Variants in MED27 observed in about 807,000 individuals in gnomAD.
MED27 encodes mediator of RNA polymerase II transcription subunit 27.
In MED27, 30 loss-of-function variants were observed where a neutral mutation model predicts 38.2. The ratio of observed to expected loss-of-function variants is 0.79; its 90% CI spans 0.59 to 1.07. MED27 has a LOEUF of 1.07. Ranked by LOEUF, MED27 falls within the 50% of genes least tolerant of loss-of-function variation. MED27 has a pLI of 0.00. For synonymous variants in MED27, 122 were observed against 153.5 expected (o/e 0.79, Z 1.52); for missense variants, 289 against 397.5 (o/e 0.73, Z 2.32).
Position 131,982,636 on chromosome 9 carries a change from G to A in MED27, c.479+31701C>T, listed in dbSNP as rs1667911897. Among the ~76,000 whole-genome samples, 1 of 152,182 alleles carries A rather than the reference G, an allele frequency of 6.6e-6. No homozygotes were observed. The highest frequency in any genetic ancestry group is 2.4e-5 in the African/African-American group (1 of 41,442). The stretch of plus-strand genomic sequence containing the variant: ...CAGCACACAAGTAACTTGGTCCACA[G>A]CTACTGATGGGGAGGTGGATTTGAA... On this transcript the variant is annotated intron_variant, in intron 3 of 7. Transcript: ENST00000292035. The surrounding 1 kb of genome is among the most constrained non-coding windows in gnomAD (Gnocchi z 4.3).
intron 2 of MED27, among the ~76,000 whole-genome samples, chr9:132,043,410 G>C (rs1465644320): frequency 6.6e-6 from 1 of 151,756 alleles, no homozygotes; most frequent in Admixed American, 6.6e-5. Context: ...TAGAAGGAGA[G>C]AGGGAGAATG....
chr9:131,895,968 G>T (rs56319825), intron 4 of MED27, among the ~76,000 whole-genome samples: 7 of 150,996 alleles, frequency 4.6e-5, no homozygotes, highest in Non-Finnish European at 8.8e-5. Flanking sequence ...GTGTGATCTC[G>T]GCTCACTGCA....
At chr9:131,869,730 A>C (rs1045124918) in intron 6 of MED27, among the ~76,000 whole-genome samples, 6 of 152,094 alleles carry the variant, frequency 3.9e-5, no homozygotes, top group African/African-American at 1.4e-4. Flanking sequence ...CCTCACAAAG[A>C]GGGGCAGAGG....
At chr9:132,029,967 GA>G (rs1832919065) in intron 2 of MED27, among the ~76,000 whole-genome samples, 1 of 152,198 alleles carries the variant, frequency 6.6e-6, no homozygotes, top group South Asian at 2.1e-4. Flanking sequence ...GCAGGAGGTA[GA>G]AAAGGGTGGA....
intron 6 of MED27, among the ~76,000 whole-genome samples, chr9:131,871,935 A>T (rs1429516632): frequency 6.6e-6 from 1 of 152,170 alleles, no homozygotes; most frequent in Non-Finnish European, 1.5e-5. Flanking sequence ...AGGCATTCTA[A>T]AACAGGGGCC....
chr9:132,054,677 T>C (rs565298137), intron 2 of MED27, among the ~76,000 whole-genome samples: 2 of 152,196 alleles, frequency 1.3e-5, no homozygotes, highest in Non-Finnish European at 2.9e-5. Flanking sequence ...CCCAAAGTGC[T>C]AAGATTACAG....
chr9:131,920,278 G>A (rs142914473), intron 4 of MED27, among the ~76,000 whole-genome samples: 10 of 152,266 alleles, frequency 6.6e-5, no homozygotes, highest in African/African-American at 2.4e-4. Flanking sequence ...TTATCAATAG[G>A]TATATGTCTG....
chr9:132,034,478 C>T (rs1480707226), intron 2 of MED27, among the ~76,000 whole-genome samples: 3 of 152,194 alleles, frequency 2.0e-5, no homozygotes, highest in African/African-American at 7.2e-5. Flanking sequence ...GCGCTCTGTC[C>T]AAGGTCAAAG....
intron 3 of MED27, among the ~76,000 whole-genome samples, chr9:131,978,384 C>T (rs1046134812): frequency 6.6e-6 from 1 of 152,144 alleles, no homozygotes; most frequent in Admixed American, 6.5e-5. Context: ...AATTATGACA[C>T]CTATGAAACA....
chr9:132,044,923 T>C (rs1312243626), intron 2 of MED27, among the ~76,000 whole-genome samples: 8 of 152,166 alleles, frequency 5.3e-5, no homozygotes, highest in Non-Finnish European at 1.2e-4. Flanking sequence ...CCAAAAGTAA[T>C]TTTAGATCAA....
intron 2 of MED27, among the ~76,000 whole-genome samples, chr9:132,058,757 A>G (rs184176693): frequency 8.2e-4 from 125 of 152,268 alleles, no homozygotes; most frequent in Non-Finnish European, 1.5e-3. Context: ...CATCTCTACA[A>G]CTTCAGTGAA....
In MED27 at chr9:131,884,115, A is replaced by G; in HGVS notation, c.682-16T>C. ...ATATATCAAGCTGAGGGGAAAGGAG[A>G]GAAGGATCATCAGCATCGGTCTTAG... On this transcript the variant is annotated splice_polypyrimidine_tract_variant and intron_variant, in intron 5 of 7. Coordinates refer to ENST00000292035, the MANE Select transcript of MED27 (RefSeq NM_004269.4). 1 of 1,599,476 alleles carries G rather than the reference A, an allele frequency of 6.3e-7. No individual in the cohort carries two copies. Among genetic ancestry groups the G allele is most frequent in the Non-Finnish European group, 8.5e-7 (1 of 1,172,834 alleles).
rs562562568 is a variant in MED27, at chr9:131,983,906, C to T, written c.479+30431G>A. Among the ~76,000 whole-genome samples, 12 of 152,282 alleles carry T rather than the reference C, an allele frequency of 7.9e-5. 1 individual carries two copies. The South Asian group carries it at 2.3e-3, about 29-fold the overall frequency. On this transcript the variant is annotated intron_variant, in intron 3 of 7. Coordinates refer to ENST00000292035, the MANE Select transcript of MED27 (RefSeq NM_004269.4). ...ACCAGCCATGATAGTAGCTTGGCTC[C>T]AGGTCACATATCAGGTGAAATTCCT...
At chr9:131,940,705 T>C (rs1381749749) in intron 3 of MED27, among the ~76,000 whole-genome samples, 1 of 152,234 alleles carries the variant, frequency 6.6e-6, no homozygotes, top group Non-Finnish European at 1.5e-5. Context: ...CGTGAGCCAC[T>C]GCACCCAGCC....
chr9:132,034,924 A>G (rs1234334737), intron 2 of MED27, among the ~76,000 whole-genome samples: 1 of 152,240 alleles, frequency 6.6e-6, no homozygotes, highest in East Asian at 1.9e-4. Flanking sequence ...TTATTCACCG[A>G]GTACCATAAT....
chr9:131,947,551 C>T (rs993639183), intron 3 of MED27, among the ~76,000 whole-genome samples: 2 of 152,158 alleles, frequency 1.3e-5, no homozygotes, highest in African/African-American at 4.8e-5. Flanking sequence ...CTAAAGATAT[C>T]GCCTTTGCAA....
In MED27 at chr9:131,992,919, C is replaced by T. The variant is rs1355738951; in HGVS notation, c.479+21418G>A. The stretch of plus-strand genomic sequence containing the variant: ...CTGAGTGATCGCTGTATCACAAACA[C>T]GGTACTCTCATTCCATTATTATCCC... On this transcript the variant is annotated intron_variant, in intron 3 of 7. Transcript: ENST00000292035. Among the ~76,000 whole-genome samples, 8 of 152,232 alleles carry T rather than the reference C, an allele frequency of 5.3e-5. No homozygotes were observed. In the South Asian group the frequency reaches 6.2e-4, roughly 12 times the overall value.
chr9:131,960,744 G>C (rs918957705), intron 3 of MED27, among the ~76,000 whole-genome samples: 1 of 152,106 alleles, frequency 6.6e-6, no homozygotes, highest in Non-Finnish European at 1.5e-5. Context: ...TTTGAACACA[G>C]GTATACAAAG....
At chr9:131,928,860 G>A (rs549800240) in intron 4 of MED27, among the ~76,000 whole-genome samples, 7 of 152,364 alleles carry the variant, frequency 4.6e-5, no homozygotes, top group Non-Finnish European at 1.0e-4. Context: ...GGACTAGGGC[G>A]GCATGTGACC....
Sources: allele counts gnomAD v4.1 joint callset (sites outside exome capture counted in the v4.1 genomes callset), GRCh38; gene constraint gnomAD v4.1.1; non-coding constraint Gnocchi (gnomAD v3.1); transcripts MANE v1.5; gene names NCBI Gene and HGNC (gene_info 2026-07-23, HGNC 2026-07-21).